Variants in KCNJ6 observed in about 807,000 individuals in gnomAD.
KCNJ6 encodes G protein-activated inward rectifier potassium channel 2.
Under a neutral mutation model 34.2 loss-of-function variants are expected in KCNJ6, and 9 were observed. The observed-to-expected ratio is 0.26, with a 90% confidence interval of 0.16 to 0.46. KCNJ6 has a LOEUF of 0.46. KCNJ6 is among the 20% of genes least tolerant of loss of function. The pLI is 1.00. For synonymous variants in KCNJ6, 196 were observed against 207.1 expected, an observed-to-expected ratio of 0.95 and a Z score of 0.46; for missense variants, 236 against 531.3, an observed-to-expected ratio of 0.44 and a Z score of 5.46.
Position 37,607,467 on chromosome 21 carries a change from T to TATATATAG in KCNJ6, c.*17691_*17692insCTATATAT, listed in dbSNP as rs1274804259. 7.6e-6 allele frequency: 1 copy of TATATATAG among 132,424 alleles called. No homozygotes were observed. Among genetic ancestry groups the TATATATAG allele is most frequent in the Non-Finnish European group, 1.6e-5 (1 of 62,954 alleles). 8.2% of individuals were successfully genotyped at this position (132,424 alleles called of 1,614,324 possible). On this transcript the variant is annotated 3_prime_UTR_variant, in exon 4 of 4. Transcript: ENST00000609713. Reference sequence around the variant, plus strand: ...CTAACACAGCGAGTTCTTAAAGATATATATATATATATATATTTTTTTTTT... The same window carrying TATATATAG: ...CTAACACAGCGAGTTCTTAAAGATATATATATAGATATATATATATATATTTTTTTTTT...
At chr21:37,776,657 A>C (rs949913259) in intron 2 of KCNJ6, among the ~76,000 whole-genome samples, 2 of 152,094 alleles carry the variant, frequency 1.3e-5, no homozygotes, top group African/African-American at 4.8e-5. Context: ...ACGTTCATTG[A>C]TTGCATATGT....
At chr21:37,750,127 A>C (rs2054988008) in intron 2 of KCNJ6, among the ~76,000 whole-genome samples, 1 of 152,250 alleles carries the variant, frequency 6.6e-6, no homozygotes, top group Non-Finnish European at 1.5e-5. Context: ...CATATGAAAA[A>C]AAGCTCATCA....
rs2055100428 is a variant in KCNJ6, at chr21:37,768,166, TGTCCTTCCCAA to T, written c.26-53046_26-53036del. Among the ~76,000 whole-genome samples, 11 of 152,086 alleles carry T rather than the reference TGTCCTTCCCAA, an allele frequency of 7.2e-5. No homozygotes were observed. The South Asian group carries it at 2.3e-3, about 32-fold the overall frequency. On this transcript the variant is annotated intron_variant, in intron 2 of 3. Transcript: ENST00000609713. The stretch of plus-strand genomic sequence containing the variant: ...CTTCTCAGCCATATGTCAGCCTGTT[TGTCCTTCCCAA>T]GCTGCCGGGTTAACAGAGTTGATTC...
At chr21:37,694,599 G>C (rs1246672154) in intron 3 of KCNJ6, among the ~76,000 whole-genome samples, 2 of 152,182 alleles carry the variant, frequency 1.3e-5, no homozygotes, top group African/African-American at 4.8e-5. Flanking sequence ...CTTATGTGGA[G>C]GCTACAGACT....
intron 1 of KCNJ6, among the ~76,000 whole-genome samples, chr21:37,893,449 A>G (rs1185532927): frequency 3.5e-5 from 5 of 142,744 alleles, no homozygotes; most frequent in East Asian, 4.4e-4. Context: ...CTTGTGATCC[A>G]CCTGCCTTGG....
intron 1 of KCNJ6, among the ~76,000 whole-genome samples, chr21:37,842,765 G>A (rs952880404): frequency 6.6e-6 from 1 of 152,180 alleles, no homozygotes; most frequent in Non-Finnish European, 1.5e-5. Flanking sequence ...TGTGCACAGC[G>A]GCTGCTCAAC....
At position 37,661,371 on chromosome 21, in the gene KCNJ6, C is replaced by T. The variant is rs1049963632; in HGVS notation, c.947-35887G>A. 2.6e-5 allele frequency among the ~76,000 whole-genome samples: 4 copies of T among 152,220 alleles called. No individual in the cohort carries two copies. In the East Asian group the frequency reaches 7.7e-4, roughly 29 times the overall value. ...AATAACTTTCCATGATTAATCAGCACGTGATTTTTAATAACAAATGACTCC... is the reference window on the plus strand; with the variant it reads ...AATAACTTTCCATGATTAATCAGCATGTGATTTTTAATAACAAATGACTCC... On this transcript the variant is annotated intron_variant, in intron 3 of 3. Transcript: ENST00000609713.
intron 2 of KCNJ6, among the ~76,000 whole-genome samples, chr21:37,794,332 T>C (rs2055230836): frequency 6.6e-6 from 1 of 152,236 alleles, no homozygotes; most frequent in East Asian, 1.9e-4. Flanking sequence ...TTCTTAGCTG[T>C]CTAACCTTGA....
At chr21:37,890,735 T>A (rs750997142) in intron 1 of KCNJ6, among the ~76,000 whole-genome samples, 35 of 152,138 alleles carry the variant, frequency 2.3e-4, no homozygotes, top group Admixed American at 3.9e-4. Flanking sequence ...GTCAAAAGGT[T>A]TTCCCCTGCA....
chr21:37,807,995 C>T (rs2055302158), intron 2 of KCNJ6, among the ~76,000 whole-genome samples: 1 of 152,178 alleles, frequency 6.6e-6, no homozygotes, highest in South Asian at 2.1e-4. Flanking sequence ...GAGGATATGT[C>T]CTGGGTGCTA....
intron 2 of KCNJ6, among the ~76,000 whole-genome samples, chr21:37,721,969 A>G (rs2054828765): frequency 6.7e-6 from 1 of 150,176 alleles, no homozygotes; most frequent in Non-Finnish European, 1.5e-5. Context: ...AGGGAAAGAA[A>G]TAAAGTACAT....
chr21:37,767,287 T>C (rs895275415), intron 2 of KCNJ6, among the ~76,000 whole-genome samples: 17 of 152,220 alleles, frequency 1.1e-4, no homozygotes, highest in Non-Finnish European at 2.1e-4. Flanking sequence ...ATCTTAAGCA[T>C]GTCGTCATTT....
chr21:37,678,048 GT>G (rs1161720881), intron 3 of KCNJ6, among the ~76,000 whole-genome samples: 67 of 152,150 alleles, frequency 4.4e-4, no homozygotes, highest in African/African-American at 1.5e-3. Flanking sequence ...ACAAAACAAA[GT>G]GTTAAATGCA....
chr21:37,853,204 A>C (rs1375651698), intron 1 of KCNJ6, among the ~76,000 whole-genome samples: 2 of 151,882 alleles, frequency 1.3e-5, no homozygotes, highest in African/African-American at 2.4e-5. Context: ...TGCAAGAAAA[A>C]CCCAAGGTAA....
chr21:37,894,343 G>A (rs1185924691), intron 1 of KCNJ6, among the ~76,000 whole-genome samples: 3 of 152,158 alleles, frequency 2.0e-5, no homozygotes, highest in African/African-American at 4.8e-5. Flanking sequence ...GCACATTGAG[G>A]TTTGAGAAAC....
intron 2 of KCNJ6, among the ~76,000 whole-genome samples, chr21:37,795,893 C>G (rs1211791502): frequency 1.3e-5 from 2 of 152,078 alleles, no homozygotes; most frequent in Non-Finnish European, 2.9e-5. Context: ...GATGAGGAAA[C>G]AGGCATGAGA....
At chr21:37,848,924 T>A (rs2055523790) in intron 1 of KCNJ6, among the ~76,000 whole-genome samples, 1 of 152,178 alleles carries the variant, frequency 6.6e-6, no homozygotes, top group African/African-American at 2.4e-5. Context: ...CCAGACAATG[T>A]TTCACGAATT....
At chr21:37,795,364 G>T (rs954603671) in intron 2 of KCNJ6, among the ~76,000 whole-genome samples, 1 of 152,126 alleles carries the variant, frequency 6.6e-6, no homozygotes, top group East Asian at 1.9e-4. Context: ...GAAAATTAGG[G>T]CAAGAGGAGG....
chr21:37,887,368 C>T (rs1429136225), intron 1 of KCNJ6, among the ~76,000 whole-genome samples: 2 of 152,116 alleles, frequency 1.3e-5, no homozygotes, highest in Admixed American at 6.6e-5. Flanking sequence ...CCTTCCAAGT[C>T]GGGTTATAGT....
Sources: gnomAD v4.1 joint callset for allele counts (sites outside exome capture counted in the v4.1 genomes callset) on GRCh38, gnomAD v4.1.1 for gene constraint, MANE v1.5 for transcripts, NCBI Gene and HGNC (gene_info 2026-07-23, HGNC 2026-07-21) for gene names.